QRICH1: variants seen among roughly 807,000 people sequenced by gnomAD.
QRICH1 encodes transcriptional regulator QRICH1.
QRICH1 carries 16 observed loss-of-function variants against 87.1 expected under a neutral mutation model. The observed-to-expected ratio is 0.18, with a 90% confidence interval of 0.12 to 0.28. The LOEUF (loss-of-function observed/expected upper bound fraction) is 0.28. Ranked by LOEUF, QRICH1 falls within the 10% of genes least tolerant of loss-of-function variation. The pLI, the probability that QRICH1 is intolerant of heterozygous loss-of-function variation, is 1.00. For missense variants in QRICH1, 647 were observed against 951.7 expected, an observed-to-expected ratio of 0.68 and a Z score of 4.21; for synonymous variants, 367 against 368.4, an observed-to-expected ratio of 1.00 and a Z score of 0.05.
chr3:49,071,822 AC>A (rs2041835768), intron 2 of QRICH1, among the ~76,000 whole-genome samples: 2 of 152,084 alleles, frequency 1.3e-5, no homozygotes, highest in African/African-American at 4.8e-5. Context: ...CCTCCCCAGT[AC>A]CTGGGATCAC....
Position 49,039,632 on chromosome 3 carries a change from A to AG in QRICH1, c.1786+4757_1786+4758insC, listed in dbSNP as rs1156982809. 2.6e-5 allele frequency among the ~76,000 whole-genome samples: 4 copies of AG among 151,450 alleles called. No individual in the cohort carries two copies. The East Asian group carries it at 7.7e-4, about 29-fold the overall frequency. On this transcript the variant is annotated intron_variant, in intron 6 of 9. Transcript: ENST00000395443. ...AGACTCCATCTCAAAAAAAAAAAAA[A>AG]AAAAAAAAAAAGTATGGATAAAGTA...
chr3:49,058,138 G>A, intron 2 of QRICH1: 3 of 609,454 alleles, frequency 4.9e-6, no homozygotes, highest in South Asian at 2.4e-5. Flanking sequence ...GGCCTAAAAA[G>A]GAAATACCAA....
At chr3:49,070,489 G>A (rs981967085) in intron 2 of QRICH1, among the ~76,000 whole-genome samples, 1 of 152,100 alleles carries the variant, frequency 6.6e-6, no homozygotes, top group Non-Finnish European at 1.5e-5. Flanking sequence ...GCCCAGGATG[G>A]AGTGCAGTGG....
intron 1 of QRICH1, among the ~76,000 whole-genome samples, chr3:49,078,638 G>A (rs1457183656): frequency 1.6e-4 from 23 of 144,508 alleles, no homozygotes; most frequent in Non-Finnish European, 2.5e-4. Flanking sequence ...CTCGTGATCC[G>A]CCTGCCTCAG....
chr3:49,058,345 T>C (rs546043379), intron 2 of QRICH1, among the ~76,000 whole-genome samples: 62 of 151,686 alleles, frequency 4.1e-4, no homozygotes, highest in Admixed American at 1.1e-3. Context: ...TTTTTTTTTT[T>C]CCCCAAATTC....
At chr3:49,050,248 C>CAAAAAAAAAAAAAAAAAAA (rs527597101) in intron 3 of QRICH1, among the ~76,000 whole-genome samples, 4 of 52,410 alleles carry the variant, frequency 7.6e-5, no homozygotes, top group Admixed American at 2.3e-4. Context: ...GACTCCGTCT[C>CAAAAAAAAAAAAAAAAAAA]AAAAAAAAAA....
intron 2 of QRICH1, among the ~76,000 whole-genome samples, chr3:49,060,706 GCA>G (rs1202841324): frequency 1.3e-5 from 2 of 152,194 alleles, no homozygotes; most frequent in Non-Finnish European, 2.9e-5. Flanking sequence ...GAACGACACA[GCA>G]CAGAGGTGAG....
At chr3:49,050,735 TCAAA>T (rs1480012625) in intron 3 of QRICH1, among the ~76,000 whole-genome samples, 16 of 152,014 alleles carry the variant, frequency 1.1e-4, no homozygotes, top group South Asian at 8.3e-4. Context: ...AACCTATTAC[TCAAA>T]CAATTTCTTT....
intron 6 of QRICH1, among the ~76,000 whole-genome samples, chr3:49,038,143 G>T (rs1026818078): frequency 3.3e-5 from 5 of 150,270 alleles, no homozygotes; most frequent in Non-Finnish European, 7.4e-5. Context: ...CTCACTGCAA[G>T]CTCAGCTCCC....
At position 49,062,282 on chromosome 3, in the gene QRICH1, G is replaced by A. The variant is rs142021611; in HGVS notation, c.310-4392C>T. Among the ~76,000 whole-genome samples the A allele has an allele frequency of 3.4e-3, 513 of 151,004 alleles. 5 individuals carry two copies. Among genetic ancestry groups the A allele is most frequent in the African/African-American group, 0.012 (484 of 41,104 alleles). The stretch of plus-strand genomic sequence containing the variant: ...CCTGGGAGGTGGAAGCTAGTGAGCC[G>A]AGATGGCGCCACTATACCCAGCCCA... On this transcript the variant is annotated intron_variant, in intron 2 of 9. Transcript: ENST00000395443.
chr3:49,030,320 CAG>C lies in QRICH1; in HGVS notation c.*130_*131del. 1.2e-6 allele frequency: 1 copy of C among 848,064 alleles called. No homozygotes were observed. Among genetic ancestry groups the C allele is most frequent in the South Asian group, 1.9e-5 (1 of 52,994 alleles). The allele number at this position is 848,064 out of a possible 1,614,324, so 52.5% of individuals were successfully genotyped here. A position where few individuals can be genotyped will look rare whatever the true frequency, so the allele number is the denominator to read the frequency against. On this transcript the variant is annotated 3_prime_UTR_variant, in exon 10 of 10. Transcript: ENST00000395443. ...GCAAAGTTTTCTTTTATATTTTAAA[CAG>C]AAGCAGCCTGAAAGGCTTCGTAACT...
At chr3:49,040,319 C>T (rs1485293672) in intron 6 of QRICH1, among the ~76,000 whole-genome samples, 1 of 152,162 alleles carries the variant, frequency 6.6e-6, no homozygotes, top group Non-Finnish European at 1.5e-5. Context: ...CTTCAAAGTA[C>T]TTAAATTGCT....
At chr3:49,093,883 C>T (rs1384069341) in intron 1 of QRICH1, 29 bp downstream of exon 1, 11 of 386,966 alleles carry the variant, frequency 2.8e-5, no homozygotes, top group Non-Finnish European at 5.0e-5. Context: ...ACAGCTTCGC[C>T]GCATCCCCAC....
chr3:49,046,345 T>C, intron 5 of QRICH1, 80 bp downstream of exon 5: 2 of 1,404,854 alleles, frequency 1.4e-6, no homozygotes, highest in Non-Finnish European at 1.9e-6. Context: ...AACTTCTTGC[T>C]TATCAATTTA....
intron 2 of QRICH1, among the ~76,000 whole-genome samples, chr3:49,060,455 A>G (rs1431176368): frequency 6.6e-6 from 1 of 152,160 alleles, no homozygotes; most frequent in Non-Finnish European, 1.5e-5. Flanking sequence ...GGCCTCCCAA[A>G]GTGCTGGGAT....
chr3:49,079,512 T>C (rs964107895), intron 1 of QRICH1, among the ~76,000 whole-genome samples: 21 of 148,104 alleles, frequency 1.4e-4, no homozygotes, highest in African/African-American at 4.9e-4. Flanking sequence ...AATTAAATAT[T>C]ATAACAATTA....
intron 6 of QRICH1, among the ~76,000 whole-genome samples, chr3:49,036,910 A>G (rs1361321476): frequency 6.6e-6 from 1 of 151,886 alleles, no homozygotes; most frequent in Non-Finnish European, 1.5e-5. Flanking sequence ...AAAAAATACA[A>G]AAATTAAACA....
Position 49,057,719 on chromosome 3 carries a change from G to A in QRICH1, c.481C>T (p.Pro161Ser). ...IQTPSLQSPSPSQLQAAQIQV... is the reference protein window; with the variant it reads ...IQTPSLQSPSSSQLQAAQIQV... ...ATCTGAGCTGCTTGCAGCTGCGAGG[G>A]ACTGGGACTCTGCAGAGACGGGGTC... Residue 161 changes from proline to serine, a missense_variant, in exon 3 of 10, where the codon CCC becomes TCC. By Grantham distance (74) the Pro-to-Ser change is moderately conservative. Around this residue, in one of 7 missense-constraint regions of QRICH1, gnomAD observed 156 missense variants for 164.5 expected, o/e 0.95. Coordinates refer to ENST00000395443, the MANE Select transcript of QRICH1 (RefSeq NM_198880.3). The surrounding 1 kb of genome is among the most constrained non-coding windows in gnomAD (Gnocchi z 5.4). The A allele has an allele frequency of 6.2e-7, 1 of 1,614,220 alleles. No homozygotes were observed. Among genetic ancestry groups the A allele is most frequent in the Non-Finnish European group, 8.5e-7 (1 of 1,180,040 alleles).
chr3:49,031,983 T>C (rs1559921579), intron 9 of QRICH1, among the ~76,000 whole-genome samples, 200 bp downstream of exon 9: 1 of 152,218 alleles, frequency 6.6e-6, no homozygotes, highest in Non-Finnish European at 1.5e-5. Flanking sequence ...GGACCCCTTT[T>C]TCTATCAGTG....
Sources: gnomAD v4.1 joint callset for allele counts (sites outside exome capture counted in the v4.1 genomes callset) on GRCh38, gnomAD v4.1.1 for gene constraint, gnomAD v4.1.1 regional missense constraint, Gnocchi (gnomAD v3.1) non-coding constraint, MANE v1.5 for transcripts, NCBI Gene and HGNC (gene_info 2026-07-23, HGNC 2026-07-21) for gene names.